Variants in SLIT1 observed in about 807,000 individuals in gnomAD.
The protein encoded by SLIT1 is slit guidance ligand 1, also known as slit homolog 1 protein.
Under a neutral mutation model 186.1 loss-of-function variants are expected in SLIT1, and 66 were observed. The observed-to-expected ratio is 0.35, with a 90% CI of 0.29 to 0.44. The LOEUF is 0.44. SLIT1 is among the 20% of genes least tolerant of loss of function. The pLI, the probability that SLIT1 is intolerant of heterozygous loss-of-function variation, is 1.00. For missense variants in SLIT1, 1,638 were observed against 2,037.4 expected (o/e 0.80, Z 3.77); for synonymous variants, 761 against 833.8 (o/e 0.91, Z 1.50).
chr10:97,073,475 C>T (rs1406269623), intron 4 of SLIT1, among the ~76,000 whole-genome samples: 1 of 152,182 alleles, frequency 6.6e-6, no homozygotes, highest in Non-Finnish European at 1.5e-5. Flanking sequence ...CCTGTCCCAG[C>T]CCGGGGAAGC....
At position 97,122,020 on chromosome 10, in the gene SLIT1, C is replaced by T. The variant is rs7095188; in HGVS notation, c.413+35798G>A. On this transcript the variant is annotated intron_variant, in intron 4 of 36. Coordinates refer to ENST00000266058, the MANE Select transcript of SLIT1 (RefSeq NM_003061.3). ...AGAACAAGGTGTAGAAAGATTGAGCCACTGCCCGCAGTCATCCAGTTAGTA... is the reference window on the plus strand; with the variant it reads ...AGAACAAGGTGTAGAAAGATTGAGCTACTGCCCGCAGTCATCCAGTTAGTA... 7.1e-3 allele frequency among the ~76,000 whole-genome samples: 1,085 copies of T among 152,298 alleles called. 11 individuals are homozygous for T. The highest frequency in any genetic ancestry group is 0.024 in the African/African-American group (1,013 of 41,552).
chr10:97,019,206 G>GTTTCCCCTCCTGATT (rs1848482108), intron 26 of SLIT1, 99 bp from the exon 27 acceptor site: 3 of 756,406 alleles, frequency 4.0e-6, no homozygotes, highest in Admixed American at 4.4e-5. Flanking sequence ...CCAAGGAGCC[G>GTTTCCCCTCCTGATT]TTTCCCCTCC....
chr10:97,013,594 G>C, intron 30 of SLIT1, 147 bp downstream of exon 30: 1 of 649,164 alleles, frequency 1.5e-6, no homozygotes, highest in South Asian at 1.8e-5. Flanking sequence ...CCACAACCCC[G>C]CATGGATTCT....
chr10:97,004,048 C>T lies in SLIT1; in HGVS notation c.3865+20G>A, dbSNP rs778676445. The T allele has an allele frequency of 7.7e-5, 122 of 1,590,488 alleles. No individual in the cohort carries two copies. The highest frequency in any genetic ancestry group is 3.9e-4 in the South Asian group (35 of 89,302). On this transcript the variant is annotated intron_variant, in intron 34 of 36. Coordinates refer to ENST00000266058, the MANE Select transcript of SLIT1 (RefSeq NM_003061.3). The surrounding 1 kb of genome is among the most constrained non-coding windows in gnomAD (Gnocchi z 5.1). ...TCAGGCCAGACAGCAAAAGAGGCCC[C>T]GCCAGGGCCAGGTCCTCACCTCCCA...
intron 4 of SLIT1, among the ~76,000 whole-genome samples, chr10:97,091,494 T>C (rs1327031244): frequency 2.0e-5 from 3 of 152,246 alleles, no homozygotes; most frequent in Non-Finnish European, 2.9e-5. Flanking sequence ...AATTTTGTAT[T>C]GAACTTTGTA....
At chr10:97,060,970 C>T (rs767584913) in intron 8 of SLIT1, among the ~76,000 whole-genome samples, 183 bp from the exon 9 acceptor site, 4 of 152,242 alleles carry the variant, frequency 2.6e-5, no homozygotes, top group Non-Finnish European at 5.9e-5. Context: ...GTGCCTGGCA[C>T]ACAGCAGGTT....
chr10:97,093,735 C>T (rs1564673859), intron 4 of SLIT1, among the ~76,000 whole-genome samples: 1 of 152,178 alleles, frequency 6.6e-6, no homozygotes, highest in Non-Finnish European at 1.5e-5. Flanking sequence ...AGAGCCAAAC[C>T]CAATTCCAGC....
rs1177711449 is a variant in SLIT1, at chr10:97,185,865, G to T, written c.-191C>A. On this transcript the variant is annotated 5_prime_UTR_variant, in exon 1 of 37. Coordinates refer to ENST00000266058, the MANE Select transcript of SLIT1 (RefSeq NM_003061.3). The stretch of plus-strand genomic sequence containing the variant: ...GGCGCCTGTGCGCGGACGGAGGGAG[G>T]GCGCCTTGGGCGGAGGGGGCTCGGC... 3.9e-6 allele frequency: 2 copies of T among 512,264 alleles called. No individual in the cohort carries two copies. The highest frequency in any genetic ancestry group is 4.1e-5 in the African/African-American group (2 of 48,996). 31.7% of individuals were successfully genotyped at this position (512,264 alleles called of 1,614,324 possible).
chr10:97,065,869 A>T, intron 5 of SLIT1, 146 bp downstream of exon 5: 1 of 637,450 alleles, frequency 1.6e-6, no homozygotes, highest in South Asian at 1.8e-5. Flanking sequence ...CTATTCCAGA[A>T]GACCATGCTG....
intron 3 of SLIT1, among the ~76,000 whole-genome samples, chr10:97,162,099 C>T (rs1443990033): frequency 1.3e-5 from 2 of 152,148 alleles, no homozygotes; most frequent in African/African-American, 2.4e-5. Context: ...TATAATCCAC[C>T]ACTCACTATA....
intron 4 of SLIT1, among the ~76,000 whole-genome samples, chr10:97,144,197 C>CAAAA (rs11323387): frequency 2.8e-5 from 4 of 143,560 alleles, no homozygotes; most frequent in African/African-American, 1.0e-4. Context: ...GACTCCATCT[C>CAAAA]AAAAAAAAAA....
intron 4 of SLIT1, among the ~76,000 whole-genome samples, chr10:97,139,525 T>C (rs1849736986): frequency 6.6e-6 from 1 of 152,198 alleles, no homozygotes; most frequent in South Asian, 2.1e-4. Flanking sequence ...AAATAGTTGC[T>C]CTGTGACAGA....
intron 3 of SLIT1, among the ~76,000 whole-genome samples, chr10:97,158,570 G>A (rs1386096005): frequency 7.3e-5 from 11 of 150,450 alleles, no homozygotes; most frequent in African/African-American, 2.7e-4. Context: ...GCTGAGGCAG[G>A]AGAATCGCTT....
intron 23 of SLIT1, 72 bp from the exon 24 acceptor site, chr10:97,031,749 G>A (rs1302529654): frequency 2.4e-6 from 3 of 1,229,198 alleles, no homozygotes; most frequent in Non-Finnish European, 2.3e-6. Flanking sequence ...CGCCGCCCAG[G>A]ACGTGGAGGT....
chr10:97,168,433 C>A (rs1220260298), intron 1 of SLIT1, among the ~76,000 whole-genome samples: 2 of 152,158 alleles, frequency 1.3e-5, no homozygotes, highest in Non-Finnish European at 2.9e-5. Flanking sequence ...ATAGTTAATT[C>A]AACAAATGTT....
In SLIT1 at chr10:97,157,847, C is replaced by T. The variant is rs760670307; in HGVS notation, c.384G>A (p.Leu128=). Residue 128 remains leucine (L), a synonymous_variant, in exon 4 of 37, where the codon CTG becomes CTA. Coordinates refer to ENST00000266058, the MANE Select transcript of SLIT1 (RefSeq NM_003061.3). ...TTGACAAAGCCTGGTTGTTCTGGAACAGCAGTTCCGGTAACATGTGCAGCT... is the reference window on the plus strand; with the variant it reads ...TTGACAAAGCCTGGTTGTTCTGGAATAGCAGTTCCGGTAACATGTGCAGCT... ...RNQLHMLPEL[L]FQNNQALSRL... The T allele has an allele frequency of 7.2e-5, 116 of 1,613,908 alleles. No individual in the cohort carries two copies. Among genetic ancestry groups the T allele is most frequent in the Non-Finnish European group, 9.2e-5 (109 of 1,179,886 alleles).
chr10:97,047,298 T>A (rs1182746543), intron 16 of SLIT1, among the ~76,000 whole-genome samples: 2 of 152,242 alleles, frequency 1.3e-5, no homozygotes, highest in Non-Finnish European at 2.9e-5. Flanking sequence ...AAATGACAGA[T>A]GCTTGCAGGC....
intron 4 of SLIT1, among the ~76,000 whole-genome samples, chr10:97,073,344 T>C (rs1325509499): frequency 6.6e-6 from 1 of 152,094 alleles, no homozygotes; most frequent in African/African-American, 2.4e-5. Context: ...TCAAACGCCC[T>C]GAAGTGAGGA....
intron 4 of SLIT1, among the ~76,000 whole-genome samples, chr10:97,120,203 G>C (rs1849548578): frequency 6.6e-6 from 1 of 151,948 alleles, no homozygotes; most frequent in African/African-American, 2.4e-5. Context: ...CCCAGGGTTG[G>C]GCAAGAAGAC....
Sources: gnomAD v4.1 joint callset for allele counts (sites outside exome capture counted in the v4.1 genomes callset) on GRCh38, gnomAD v4.1.1 for gene constraint, Gnocchi (gnomAD v3.1) non-coding constraint, MANE v1.5 for transcripts, NCBI Gene and HGNC (gene_info 2026-07-23, HGNC 2026-07-21) for gene names.